DTNBP1: variants seen among roughly 807,000 people sequenced by gnomAD.
The protein encoded by DTNBP1 is dysbindin.
DTNBP1 carries 35 observed loss-of-function variants against 42.8 expected under a neutral mutation model. The observed-to-expected ratio is 0.82, with a 90% CI of 0.63 to 1.09. The LOEUF (loss-of-function observed/expected upper bound fraction) is 1.09, where lower values mean the gene tolerates loss of function less well. DTNBP1 is among the 50% of genes least tolerant of loss of function. The pLI is 0.00. For synonymous variants in DTNBP1, 171 were observed against 162.2 expected (o/e 1.05, Z -0.41); for missense variants, 457 against 424.2 (o/e 1.08, Z -0.68).
chr6:15,596,840 C>G (rs1328072888), intron 6 of DTNBP1, among the ~76,000 whole-genome samples: 1 of 152,144 alleles, frequency 6.6e-6, no homozygotes, highest in African/African-American at 2.4e-5. Context: ...TGTTCTTCTC[C>G]AGTCGACGTC....
In DTNBP1 at chr6:15,627,397, G is replaced by A. The variant is rs766626917; in HGVS notation, c.301C>T (p.Leu101Phe). 3 of 1,613,818 alleles carry A rather than the reference G, an allele frequency of 1.9e-6. No individual in the cohort carries two copies. In the Admixed American group the frequency reaches 5.0e-5, roughly 27 times the overall value. The change falls in exon 5 of 10, where the codon CTC becomes TTC. Residue 101 changes from leucine to phenylalanine, a missense_variant. Leu to Phe is a conservative substitution (Grantham distance 22). Coordinates refer to ENST00000344537, the MANE Select transcript of DTNBP1 (RefSeq NM_032122.5). Reference sequence around the variant, plus strand: ...GCGATTAAAGCTGGGAGCTGCTGGAGCTGCTCTTGCAGCTCCACGAGGCTT... The same window carrying A: ...GCGATTAAAGCTGGGAGCTGCTGGAACTGCTCTTGCAGCTCCACGAGGCTT... ...KTSLVELQEQ[L>F]QQLPALIADL...
intron 9 of DTNBP1, chr6:15,524,133 C>CT (rs1324264455): frequency 2.2e-6 from 3 of 1,377,294 alleles, no homozygotes; most frequent in African/African-American, 1.4e-5. Flanking sequence ...AGGCACGCCC[C>CT]TAAATGCCTG....
chr6:15,541,435 C>T (rs1400619105), intron 7 of DTNBP1, among the ~76,000 whole-genome samples: 1 of 152,082 alleles, frequency 6.6e-6, no homozygotes, highest in African/African-American at 2.4e-5. Flanking sequence ...GGAAAAATGA[C>T]CCCTTGCTCA....
At chr6:15,648,562 AACACACAACAATTAAGTCAG>A in intron 3 of DTNBP1, among the ~76,000 whole-genome samples, 7 of 152,106 alleles carry the variant, frequency 4.6e-5, no homozygotes, top group African/African-American at 1.7e-4. Context: ...ATATTAAATC[AACACACAACAATTAAGTCAG>A]TTGTTTCTAT....
At chr6:15,659,956 T>C (rs952480323) in intron 1 of DTNBP1, among the ~76,000 whole-genome samples, 7 of 152,176 alleles carry the variant, frequency 4.6e-5, no homozygotes, top group African/African-American at 1.7e-4. Flanking sequence ...TGTTGGAAGA[T>C]TCCATAAAGC....
chr6:15,650,485 T>C (rs182208147), intron 3 of DTNBP1, among the ~76,000 whole-genome samples: 22 of 152,228 alleles, frequency 1.4e-4, no homozygotes, highest in South Asian at 1.2e-3. Flanking sequence ...TTTCACCAAG[T>C]TGGCCAGGCT....
rs1773003700 is a variant in DTNBP1, at chr6:15,533,353, T to C, written c.554A>G (p.Glu185Gly). 1 of 1,614,208 alleles carries C rather than the reference T, an allele frequency of 6.2e-7. No homozygotes were observed. The highest frequency in any genetic ancestry group is 8.5e-7 in the Non-Finnish European group (1 of 1,180,048). ...CTTCAGCTTCATTTGCTGGGTGTGC[T>C]CCATTTCCAGGACCTTCTGGGCGTG... ...AEHAQKVLEM[E>G]HTQQMKLKER... Residue 185 changes from glutamate to glycine, a missense_variant, in exon 8 of 10, where the codon GAG (glutamate) becomes GGG (glycine). Coordinates refer to ENST00000344537, the MANE Select transcript of DTNBP1 (RefSeq NM_032122.5).
intron 9 of DTNBP1, chr6:15,523,688 A>G: frequency 3.9e-6 from 5 of 1,287,156 alleles, no homozygotes; most frequent in South Asian, 1.2e-5. Context: ...TCAAAATTCT[A>G]TATGCAGGTG....
Position 15,523,575 on chromosome 6 carries a change from T to TA in DTNBP1, c.812-357_812-356insT, listed in dbSNP as rs1435659094. 1.4e-4 allele frequency: 174 copies of TA among 1,258,604 alleles called. No individual in the cohort carries two copies. In the African/African-American group the frequency reaches 2.3e-3, roughly 17 times the overall value. 78.0% of individuals were successfully genotyped at this position (1,258,604 alleles called of 1,614,324 possible). A position where few individuals can be genotyped will look rare whatever the true frequency, so the allele number is the denominator to read the frequency against. ...TAATCTAGATTTCTTTTTTTTTTTTTTACCCTTTGCAGTAATTCAGAGACA... is the reference window on the plus strand; with the variant it reads ...TAATCTAGATTTCTTTTTTTTTTTTTATACCCTTTGCAGTAATTCAGAGACA... On this transcript the variant is annotated intron_variant, in intron 9 of 9. Transcript: ENST00000344537.
intron 7 of DTNBP1, among the ~76,000 whole-genome samples, chr6:15,566,423 T>C (rs1437502093): frequency 6.6e-6 from 1 of 151,620 alleles, no homozygotes; most frequent in Non-Finnish European, 1.5e-5. Flanking sequence ...TAGGCCACCA[T>C]GGGAAGAGGG....
intron 3 of DTNBP1, among the ~76,000 whole-genome samples, chr6:15,648,590 T>C (rs1760813684): frequency 6.6e-6 from 1 of 152,048 alleles, no homozygotes; most frequent in African/African-American, 2.4e-5. Context: ...CAGTTGTTTC[T>C]ATATACTACC....
chr6:15,527,444 C>T (rs1772485665), intron 8 of DTNBP1, among the ~76,000 whole-genome samples: 1 of 152,124 alleles, frequency 6.6e-6, no homozygotes, highest in African/African-American at 2.4e-5. Context: ...AAACAGTTCA[C>T]AAATCAAATA....
At chr6:15,523,510 A>C (rs1772074137) in intron 9 of DTNBP1, 2 of 1,278,086 alleles carry the variant, frequency 1.6e-6, no homozygotes, top group Admixed American at 6.1e-5. Context: ...CCCAAAGGCA[A>C]GTGCTGCCTA....
At chr6:15,541,615 G>T (rs976536844) in intron 7 of DTNBP1, among the ~76,000 whole-genome samples, 1 of 152,110 alleles carries the variant, frequency 6.6e-6, no homozygotes, top group Non-Finnish European at 1.5e-5. Context: ...TCAGGCCTAT[G>T]TCTTTTTATT....
intron 7 of DTNBP1, among the ~76,000 whole-genome samples, chr6:15,550,202 T>C (rs968812440): frequency 1.3e-5 from 2 of 151,050 alleles, no homozygotes; most frequent in Non-Finnish European, 2.9e-5. Flanking sequence ...TTCAAAACAA[T>C]CACCTTTAGA....
intron 7 of DTNBP1, among the ~76,000 whole-genome samples, chr6:15,553,305 C>A (rs1256352961): frequency 1.3e-4 from 20 of 151,642 alleles, no homozygotes; most frequent in Non-Finnish European, 2.9e-4. Flanking sequence ...ACAGAAATAG[C>A]ATACAAAAAA....
At position 15,662,991 on chromosome 6, in the gene DTNBP1, C is replaced by T. The variant is rs1279709603; in HGVS notation, c.-122G>A. 1.4e-6 allele frequency: 2 copies of T among 1,394,796 alleles called. No homozygotes were observed. The highest frequency in any genetic ancestry group is 1.9e-5 in the Admixed American group (1 of 53,652). 86.4% of individuals were successfully genotyped at this position (1,394,796 alleles called of 1,614,324 possible). A position where few individuals can be genotyped will look rare whatever the true frequency, so the allele number is the denominator to read the frequency against. The stretch of plus-strand genomic sequence containing the variant: ...CGCCCCGCACTCCCACTACCGGCCC[C>T]GCCCCCGGTCTGGTCCTCGCCGCCG... On this transcript the variant is annotated 5_prime_UTR_variant, in exon 1 of 10. Coordinates refer to ENST00000344537, the MANE Select transcript of DTNBP1 (RefSeq NM_032122.5).
intron 7 of DTNBP1, among the ~76,000 whole-genome samples, chr6:15,549,044 C>T (rs1774054204): frequency 6.6e-6 from 1 of 152,176 alleles, no homozygotes; most frequent in African/African-American, 2.4e-5. Flanking sequence ...GAGAAATACA[C>T]AAGCTTCAGT....
Position 15,597,082 on chromosome 6 carries a change from A to G in DTNBP1, c.489-4001T>C, listed in dbSNP as rs140405508. ...ATTCAACAAAAATTTACTAAGCCTTAGACACTATGATAATGTTAGGAATAG... is the reference window on the plus strand; with the variant it reads ...ATTCAACAAAAATTTACTAAGCCTTGGACACTATGATAATGTTAGGAATAG... On this transcript the variant is annotated intron_variant, in intron 6 of 9. Transcript: ENST00000344537. Among the ~76,000 whole-genome samples the G allele has an allele frequency of 1.5e-3, 227 of 152,342 alleles. 1 individual carries two copies. The highest frequency in any genetic ancestry group is 4.9e-3 in the African/African-American group (205 of 41,576).
Sources: gnomAD v4.1 joint callset for allele counts (sites outside exome capture counted in the v4.1 genomes callset) on GRCh38, gnomAD v4.1.1 for gene constraint, MANE v1.5 for transcripts, NCBI Gene and HGNC (gene_info 2026-07-23, HGNC 2026-07-21) for gene names.